Variants in COL21A1 observed in about 807,000 individuals in gnomAD.
The protein encoded by COL21A1 is collagen type XXI alpha 1 chain, also known as collagen alpha-1(XXI) chain.
COL21A1 carries 149 observed loss-of-function variants against 137.9 expected under a neutral mutation model. The ratio of observed to expected loss-of-function variants is 1.08; its 90% confidence interval spans 0.95 to 1.24. COL21A1 has a LOEUF of 1.24. COL21A1 is among the 50% of genes most tolerant of loss of function. The pLI is 0.00. For synonymous variants in COL21A1, 456 were observed against 391.5 expected (o/e 1.16, Z -1.95); for missense variants, 1,167 against 1,158.4 (o/e 1.01, Z -0.11).
At chr6:56,078,557 G>GA (rs1376673130) in intron 17 of COL21A1, among the ~76,000 whole-genome samples, 1 of 151,640 alleles carries the variant, frequency 6.6e-6, no homozygotes, top group East Asian at 1.9e-4. Flanking sequence ...AGCTGCCATT[G>GA]ACAATGAGAT....
chr6:56,324,782 T>C (rs1201093538), intron 1 of COL21A1, among the ~76,000 whole-genome samples: 1 of 152,016 alleles, frequency 6.6e-6, no homozygotes, highest in African/African-American at 2.4e-5. Context: ...ATTGATAACC[T>C]GAAGGTATTT....
intron 1 of COL21A1, among the ~76,000 whole-genome samples, chr6:56,281,000 G>A (rs536648400): frequency 6.6e-6 from 1 of 151,910 alleles, no homozygotes; most frequent in Non-Finnish European, 1.5e-5. Context: ...CAGAGACCCG[G>A]TCTCAAAAAA....
intron 16 of COL21A1, among the ~76,000 whole-genome samples, chr6:56,103,260 A>G (rs1465234706): frequency 6.6e-6 from 1 of 152,184 alleles, no homozygotes; most frequent in Non-Finnish European, 1.5e-5. Flanking sequence ...TAATTCTTCC[A>G]GGTGATTCTA....
rs903941411 is a variant in COL21A1, at chr6:56,111,851, G to T, written c.1759-10326C>A. On this transcript the variant is annotated intron_variant, in intron 16 of 29. Coordinates refer to ENST00000244728, the MANE Select transcript of COL21A1 (RefSeq NM_030820.4). ...ATCGTGCCATTGCACTTCAGCCTGG[G>T]TGTCAAGGGTGAGACTCTGTCTCAA... is the stretch of plus-strand genomic sequence containing the variant. 1.6e-4 allele frequency among the ~76,000 whole-genome samples: 25 copies of T among 152,074 alleles called. 1 individual carries two copies. The highest frequency in any genetic ancestry group is 4.8e-4 in the African/African-American group (20 of 41,472).
chr6:56,064,648 G>A, intron 23 of COL21A1, 26 bp from the exon 24 acceptor site: 1 of 1,519,674 alleles, frequency 6.6e-7, no homozygotes, highest in Non-Finnish European at 8.9e-7. Context: ...AAACATTATT[G>A]ATTAGTTTGC....
chr6:56,221,056 A>G (rs1780795653), intron 1 of COL21A1, among the ~76,000 whole-genome samples: 1 of 152,126 alleles, frequency 6.6e-6, no homozygotes, highest in South Asian at 2.1e-4. Flanking sequence ...TGTTATGTAT[A>G]TTAGTCCAGA....
chr6:56,346,940 G>A (rs1018806270), intron 1 of COL21A1, among the ~76,000 whole-genome samples: 5 of 152,110 alleles, frequency 3.3e-5, no homozygotes, highest in South Asian at 2.1e-4. Flanking sequence ...GATGTCACTC[G>A]CTGTAGCACT....
At chr6:56,079,023 G>A (rs1767495909) in intron 17 of COL21A1, among the ~76,000 whole-genome samples, 1 of 151,636 alleles carries the variant, frequency 6.6e-6, no homozygotes, top group Non-Finnish European at 1.5e-5. Flanking sequence ...GGCAGAAAAT[G>A]TATATTCTCA....
chr6:56,110,486 T>C (rs1771327872), intron 16 of COL21A1, among the ~76,000 whole-genome samples: 1 of 151,856 alleles, frequency 6.6e-6, no homozygotes, highest in African/African-American at 2.4e-5. Context: ...AGGGCTTGTT[T>C]AGTGAATAAA....
At chr6:56,240,127 C>T (rs775762463) in intron 1 of COL21A1, among the ~76,000 whole-genome samples, 77 of 151,774 alleles carry the variant, frequency 5.1e-4, no homozygotes, top group Admixed American at 3.3e-3. Context: ...TATAAGGCCT[C>T]CCTAGCCACA....
chr6:56,163,703 T>C (rs931037744), intron 9 of COL21A1, among the ~76,000 whole-genome samples: 2 of 69,032 alleles, frequency 2.9e-5, no homozygotes, highest in Non-Finnish European at 5.4e-5. Context: ...CAAGGCTCCG[T>C]CTCAAAAAAA....
chr6:56,330,850 T>C (rs924165888), intron 1 of COL21A1, among the ~76,000 whole-genome samples: 2 of 152,144 alleles, frequency 1.3e-5, no homozygotes, highest in Admixed American at 1.3e-4. Context: ...AGAGTAGTTA[T>C]ATTTTTAGAT....
At chr6:56,204,257 C>G (rs1164270300) in intron 1 of COL21A1, among the ~76,000 whole-genome samples, 1 of 152,082 alleles carries the variant, frequency 6.6e-6, no homozygotes, top group Non-Finnish European at 1.5e-5. Context: ...GCTGCTAGGA[C>G]AGCAGTCTGA....
At chr6:56,213,026 T>C (rs1468800908) in intron 1 of COL21A1, among the ~76,000 whole-genome samples, 1 of 152,062 alleles carries the variant, frequency 6.6e-6, no homozygotes, top group Non-Finnish European at 1.5e-5. Flanking sequence ...AAATTAGGTG[T>C]GACTGCTATC....
Position 56,057,520 on chromosome 6 carries a change from T to C in COL21A1, c.*137A>G. 1.3e-6 allele frequency: 1 copy of C among 788,230 alleles called. No homozygotes were observed. Among genetic ancestry groups the C allele is most frequent in the Admixed American group, 2.8e-5 (1 of 36,156 alleles). The allele number at this position is 788,230 out of a possible 1,614,324, so 48.8% of individuals were successfully genotyped here. A position where few individuals can be genotyped will look rare whatever the true frequency, so the allele number is the denominator to read the frequency against. ...CAGTATATGTGATCTTTTATATTTT[T>C]TTCCATAAGAAAAAAAAAATAAAAA... On this transcript the variant is annotated 3_prime_UTR_variant, in exon 30 of 30. Transcript: ENST00000244728.
chr6:56,137,690 A>G (rs751273011), intron 12 of COL21A1, among the ~76,000 whole-genome samples: 61 of 152,334 alleles, frequency 4.0e-4, no homozygotes, highest in Middle Eastern at 6.8e-3. Flanking sequence ...AAAGCATTCT[A>G]AAAAATTCAA....
At chr6:56,386,573 G>A (rs564304742) in intron 1 of COL21A1, among the ~76,000 whole-genome samples, 7 of 149,474 alleles carry the variant, frequency 4.7e-5, no homozygotes, top group African/African-American at 9.7e-5. Flanking sequence ...CAATTTCTTC[G>A]CATTCTTGAT....
chr6:56,088,245 T>C (rs571186023), intron 17 of COL21A1, among the ~76,000 whole-genome samples: 2 of 152,142 alleles, frequency 1.3e-5, no homozygotes, highest in African/African-American at 4.8e-5. Context: ...ATGCCTATAA[T>C]CTCAGCTACT....
intron 1 of COL21A1, among the ~76,000 whole-genome samples, chr6:56,258,783 G>A (rs569532597): frequency 6.6e-6 from 1 of 152,194 alleles, no homozygotes; most frequent in African/African-American, 2.4e-5. Flanking sequence ...TCTTAACTCA[G>A]TTGAATAATT....
Sources: gnomAD v4.1 joint callset for allele counts (sites outside exome capture counted in the v4.1 genomes callset) on GRCh38, gnomAD v4.1.1 for gene constraint, MANE v1.5 for transcripts, NCBI Gene and HGNC (gene_info 2026-07-23, HGNC 2026-07-21) for gene names.